Variants in PPP2R2B observed in about 807,000 individuals in gnomAD.
PPP2R2B encodes protein phosphatase 2 regulatory subunit Bbeta.
In PPP2R2B, 5 loss-of-function variants were observed where a neutral mutation model predicts 46.0. The observed-to-expected ratio is 0.11, with a 90% CI of 0.06 to 0.23. The LOEUF is 0.23. Among genes scored for constraint, PPP2R2B ranks in the 10% least tolerant of loss-of-function variants. PPP2R2B has a pLI of 1.00. For synonymous variants in PPP2R2B, 215 were observed against 206.7 expected, an observed-to-expected ratio of 1.04 and a Z score of -0.34; for missense variants, 367 against 575.0, an observed-to-expected ratio of 0.64 and a Z score of 3.70.
chr5:147,071,738 A>G (rs945114318), intron 2 of PPP2R2B, among the ~76,000 whole-genome samples: 3 of 151,978 alleles, frequency 2.0e-5, no homozygotes, highest in Non-Finnish European at 1.5e-5. Flanking sequence ...TGAACCCCAT[A>G]TTGGTTTATT....
At chr5:146,701,823 C>A (rs925529128) in intron 2 of PPP2R2B, among the ~76,000 whole-genome samples, 1 of 152,100 alleles carries the variant, frequency 6.6e-6, no homozygotes, top group Non-Finnish European at 1.5e-5. Flanking sequence ...CTCTGTATTT[C>A]TAATCAGAGA....
At chr5:146,879,030 T>C, upstream of PPP2R2B, 1 of 712,854 alleles carries the variant, frequency 1.4e-6, no homozygotes, top group African/African-American at 1.9e-5. Context: ...CCAGAGCCCC[T>C]AGCTCCCTGC....
At chr5:146,888,050 T>C (rs1762384813) in intron 1 of PPP2R2B, among the ~76,000 whole-genome samples, 1 of 152,206 alleles carries the variant, frequency 6.6e-6, no homozygotes, top group Non-Finnish European at 1.5e-5. Context: ...CATTGCTCTC[T>C]CTTTATTCTC....
At chr5:147,057,081 A>T (rs1044766051), upstream of PPP2R2B, among the ~76,000 whole-genome samples, 12 of 152,238 alleles carry the variant, frequency 7.9e-5, no homozygotes, top group African/African-American at 2.9e-4. Flanking sequence ...AAAAATATTT[A>T]ACTCAGCATT....
At chr5:146,807,831 C>CTTTTTTTTTTTTT (rs1554139359) in intron 2 of PPP2R2B, among the ~76,000 whole-genome samples, 2 of 73,878 alleles carry the variant, frequency 2.7e-5, no homozygotes, top group Non-Finnish European at 5.3e-5. Context: ...GACAGTTTTG[C>CTTTTTTTTTTTTT]TCTTGTTGCC....
At chr5:147,065,829 C>T (rs565187429) in intron 2 of PPP2R2B, among the ~76,000 whole-genome samples, 8 of 152,060 alleles carry the variant, frequency 5.3e-5, no homozygotes, top group Non-Finnish European at 8.8e-5. Flanking sequence ...GCCATTGCTA[C>T]TATTGACAAA....
intron 8 of PPP2R2B, among the ~76,000 whole-genome samples, chr5:146,594,493 C>A (rs577960793): frequency 6.6e-6 from 1 of 152,300 alleles, no homozygotes; most frequent in Non-Finnish European, 1.5e-5. Flanking sequence ...CACGGAGTGG[C>A]AATAATAACG....
chr5:146,841,738 A>G (rs771983007), intron 2 of PPP2R2B, among the ~76,000 whole-genome samples: 21 of 152,280 alleles, frequency 1.4e-4, no homozygotes, highest in Admixed American at 3.3e-4. Flanking sequence ...AACAATGAGA[A>G]CACATGAACA....
intron 2 of PPP2R2B, among the ~76,000 whole-genome samples, chr5:146,806,986 G>A (rs920102977): frequency 6.6e-6 from 1 of 152,134 alleles, no homozygotes; most frequent in Non-Finnish European, 1.5e-5. Context: ...GAAAAAGAGG[G>A]TATTGGTCTT....
rs573679128 is a variant in PPP2R2B, at chr5:146,700,507, G to T, written c.168+538C>A. 7.9e-5 allele frequency among the ~76,000 whole-genome samples: 12 copies of T among 152,192 alleles called. No individual in the cohort carries two copies. In the South Asian group the frequency reaches 2.5e-3, roughly 32 times the overall value. ...CCTATATGTAGCACTCAGCTCCAGG[G>T]CCCTCTGTGTCACCTACAGTGATAC... On this transcript the variant is annotated intron_variant, in intron 3 of 9. Coordinates refer to ENST00000394411, the MANE Select transcript of PPP2R2B (RefSeq NM_181675.4).
chr5:146,747,942 G>A (rs919733451), intron 2 of PPP2R2B, among the ~76,000 whole-genome samples: 1 of 152,126 alleles, frequency 6.6e-6, no homozygotes, highest in Non-Finnish European at 1.5e-5. Context: ...GGGAACCTCT[G>A]TTCTACACAA....
chr5:146,878,908 C>T, upstream of PPP2R2B: 1 of 1,148,454 alleles, frequency 8.7e-7, no homozygotes, highest in African/African-American at 1.6e-5. This position sits in a 1 kb window ranked among gnomAD's most constrained non-coding sequence, Gnocchi z 4.5. Context: ...CGCGAATCGG[C>T]ACCTGGGCAG....
intron 2 of PPP2R2B, among the ~76,000 whole-genome samples, chr5:146,769,405 G>A (rs1447275161): frequency 1.3e-5 from 2 of 152,150 alleles, no homozygotes; most frequent in African/African-American, 4.8e-5. Flanking sequence ...TAAAGTTTGC[G>A]CAGTTCTATG....
chr5:146,995,939 T>C (rs1753904022), intron 1 of PPP2R2B, among the ~76,000 whole-genome samples: 1 of 152,226 alleles, frequency 6.6e-6, no homozygotes, highest in Non-Finnish European at 1.5e-5. Flanking sequence ...AGATATGCCA[T>C]GCTTCAATTT....
chr5:147,059,320 T>TA (rs140621670), upstream of PPP2R2B, among the ~76,000 whole-genome samples: 2,246 of 152,262 alleles, frequency 0.015, 69 homozygotes, highest in African/African-American at 0.052. Flanking sequence ...GCATTATTTA[T>TA]AAAAAATGAA....
At chr5:147,062,248 A>T (rs1314718793) in intron 2 of PPP2R2B, among the ~76,000 whole-genome samples, 1 of 152,206 alleles carries the variant, frequency 6.6e-6, no homozygotes, top group Non-Finnish European at 1.5e-5. Flanking sequence ...TGTACCATCT[A>T]GGTTTGTGTA....
At chr5:146,829,973 G>T (rs1312700796) in intron 2 of PPP2R2B, among the ~76,000 whole-genome samples, 1 of 152,076 alleles carries the variant, frequency 6.6e-6, no homozygotes, top group South Asian at 2.1e-4. Context: ...TTTTCTCAGA[G>T]GTAAAATAGA....
At chr5:146,830,605 A>G (rs1372942876) in intron 2 of PPP2R2B, among the ~76,000 whole-genome samples, 1 of 151,742 alleles carries the variant, frequency 6.6e-6, no homozygotes, top group Non-Finnish European at 1.5e-5. Flanking sequence ...GCTCACTGCA[A>G]TCCCCGACTC....
At chr5:146,714,366 G>A (rs1381196639) in intron 2 of PPP2R2B, among the ~76,000 whole-genome samples, 2 of 152,024 alleles carry the variant, frequency 1.3e-5, no homozygotes, top group African/African-American at 4.8e-5. Flanking sequence ...AATTGGAGAT[G>A]GTGACTATGT....
Sources: allele counts gnomAD v4.1 joint callset (sites outside exome capture counted in the v4.1 genomes callset), GRCh38; gene constraint gnomAD v4.1.1; non-coding constraint Gnocchi (gnomAD v3.1); transcripts MANE v1.5; gene names NCBI Gene and HGNC (gene_info 2026-07-23, HGNC 2026-07-21).